The following PYGO1 variants were observed in gnomAD, a reference collection of about 807,000 sequenced individuals.
PYGO1 encodes the protein pygopus family PHD finger 1, also known as pygopus homolog 1.
In PYGO1, 6 loss-of-function variants were observed where a neutral mutation model predicts 29.5. That is an observed-to-expected ratio of 0.20 (90% confidence interval 0.11 to 0.40). PYGO1 has a LOEUF of 0.40. PYGO1 is among the 10% of genes least tolerant of loss of function. The probability of loss-of-function intolerance (pLI) is 1.00; values close to 1 mark genes in which losing one functional copy is unlikely to be tolerated. For missense variants in PYGO1, 515 were observed against 514.9 expected (o/e 1.00, Z 0.00); for synonymous variants, 186 against 180.5 (o/e 1.03, Z -0.24).
chr15:55,541,527 T>C lies in PYGO1; in HGVS notation c.*4496A>G, dbSNP rs779369996. The C allele has an allele frequency of 6.6e-6, 1 of 152,218 alleles. No individual in the cohort carries two copies. The highest frequency in any genetic ancestry group is 1.5e-5 in the Non-Finnish European group (1 of 68,040). 9.4% of individuals were successfully genotyped at this position (152,218 alleles called of 1,614,324 possible). On this transcript the variant is annotated 3_prime_UTR_variant, in exon 3 of 3. Coordinates refer to ENST00000563719, the MANE Select transcript of PYGO1 (RefSeq NM_001367806.1). ...TGAAATGTTAGATATTAAAGATTCA[T>C]TCTTAATAAACATACTTTTTTAAAA...
intron 1 of PYGO1, among the ~76,000 whole-genome samples, chr15:55,557,949 C>T (rs1275666452): frequency 6.6e-6 from 1 of 152,200 alleles, no homozygotes; most frequent in African/African-American, 2.4e-5. Context: ...GGGATGCCCT[C>T]TCTTACCACT....
chr15:55,571,091 T>C (rs2058978221), intron 1 of PYGO1, among the ~76,000 whole-genome samples: 1 of 152,026 alleles, frequency 6.6e-6, no homozygotes, highest in Non-Finnish European at 1.5e-5. Context: ...ACTCTAGATA[T>C]TTTACACAAG....
At position 55,560,990 on chromosome 15, in the gene PYGO1, A is replaced by T. The variant is rs556866021; in HGVS notation, c.50-11995T>A. Reference sequence around the variant, plus strand: ...ACAAACAAACAAACCCCACTACTTTAAAGTTCATATGGAACCAGAAAAGAG... The same window carrying T: ...ACAAACAAACAAACCCCACTACTTTTAAGTTCATATGGAACCAGAAAAGAG... On this transcript the variant is annotated intron_variant, in intron 1 of 2. Coordinates refer to ENST00000563719, the MANE Select transcript of PYGO1 (RefSeq NM_001367806.1). 2.6e-5 allele frequency among the ~76,000 whole-genome samples: 4 copies of T among 152,232 alleles called. No homozygotes were observed. The South Asian group carries it at 8.3e-4, about 32-fold the overall frequency.
At chr15:55,559,313 TA>T (rs2058922161) in intron 1 of PYGO1, among the ~76,000 whole-genome samples, 1 of 151,952 alleles carries the variant, frequency 6.6e-6, no homozygotes, top group Non-Finnish European at 1.5e-5. Context: ...TGGCGATCAT[TA>T]AAAAGTCAGG....
At chr15:55,558,657 C>T (rs1292905886) in intron 1 of PYGO1, among the ~76,000 whole-genome samples, 3 of 151,834 alleles carry the variant, frequency 2.0e-5, no homozygotes, top group African/African-American at 4.8e-5. Flanking sequence ...GAGATATAGA[C>T]CAATGGAACA....
At chr15:55,555,579 C>T (rs954175260) in intron 1 of PYGO1, among the ~76,000 whole-genome samples, 14 of 149,732 alleles carry the variant, frequency 9.4e-5, no homozygotes, top group East Asian at 4.0e-4. Context: ...TGCTAAATGA[C>T]GAGTTAATGG....
In PYGO1 at chr15:55,540,141, TTTTC is replaced by T. The variant is rs1454217064; in HGVS notation, c.*5878_*5881del. 6.6e-6 allele frequency: 1 copy of T among 152,052 alleles called. No homozygotes were observed. Among genetic ancestry groups the T allele is most frequent in the Non-Finnish European group, 1.5e-5 (1 of 67,936 alleles). 9.4% of individuals were successfully genotyped at this position (152,052 alleles called of 1,614,324 possible). The stretch of plus-strand genomic sequence containing the variant: ...AAAATTTGCCTTCAAGATGAAACAT[TTTTC>T]TTTAAAATCGTGATTATAACCTTTA... On this transcript the variant is annotated 3_prime_UTR_variant, in exon 3 of 3. Transcript: ENST00000563719.
chr15:55,572,854 A>G (rs1175753246), intron 1 of PYGO1, among the ~76,000 whole-genome samples: 1 of 152,020 alleles, frequency 6.6e-6, no homozygotes, highest in Admixed American at 6.6e-5. Context: ...ATTTCTTAGG[A>G]TGTATTATCA....
intron 1 of PYGO1, among the ~76,000 whole-genome samples, chr15:55,569,643 C>T (rs1272808151): frequency 1.3e-5 from 2 of 152,176 alleles, no homozygotes; most frequent in South Asian, 2.1e-4. Context: ...GTTTATTCCA[C>T]CGTGGTCCAA....
At chr15:55,568,793 T>G (rs796688549) in intron 1 of PYGO1, among the ~76,000 whole-genome samples, 5 of 152,274 alleles carry the variant, frequency 3.3e-5, no homozygotes, top group African/African-American at 1.2e-4. Flanking sequence ...AGGGTTTTTA[T>G]CGTGATAGGA....
At chr15:55,567,504 G>T (rs949144350) in intron 1 of PYGO1, among the ~76,000 whole-genome samples, 2 of 151,938 alleles carry the variant, frequency 1.3e-5, no homozygotes, top group African/African-American at 4.8e-5. Flanking sequence ...ATAAATTCTG[G>T]ATATTAGACC....
chr15:55,574,294 A>G (rs2058992188), intron 1 of PYGO1, among the ~76,000 whole-genome samples: 1 of 152,246 alleles, frequency 6.6e-6, no homozygotes, highest in South Asian at 2.1e-4. Flanking sequence ...GGAGGTGGCT[A>G]TGAAATTACA....
At chr15:55,574,868 T>A (rs1021018406) in intron 1 of PYGO1, among the ~76,000 whole-genome samples, 7 of 152,184 alleles carry the variant, frequency 4.6e-5, no homozygotes, top group Non-Finnish European at 5.9e-5. Context: ...ATTTCAACAG[T>A]TAATTAACAA....
chr15:55,588,366 C>A (rs1222158447), upstream of PYGO1, among the ~76,000 whole-genome samples: 1 of 149,046 alleles, frequency 6.7e-6, no homozygotes, highest in African/African-American at 2.4e-5. Context: ...AGACTGGAGC[C>A]GCCTGTAAAA....
intron 1 of PYGO1, among the ~76,000 whole-genome samples, chr15:55,568,799 T>C (rs1413835427): frequency 6.6e-6 from 1 of 152,098 alleles, no homozygotes; most frequent in Non-Finnish European, 1.5e-5. Context: ...TTTATCGTGA[T>C]AGGATGTTAG....
intron 1 of PYGO1, among the ~76,000 whole-genome samples, chr15:55,580,674 G>A (rs778667422): frequency 1.3e-5 from 2 of 152,302 alleles, no homozygotes; most frequent in Non-Finnish European, 2.9e-5. Flanking sequence ...AACCTTGGCA[G>A]TCAGGCTCAC....
At chr15:55,573,964 T>C (rs1001987254) in intron 1 of PYGO1, among the ~76,000 whole-genome samples, 2 of 152,202 alleles carry the variant, frequency 1.3e-5, no homozygotes, top group Admixed American at 1.3e-4. Flanking sequence ...CTGTCTGAAA[T>C]GGCGGGCAAC....
At chr15:55,577,225 G>C (rs1157060050) in intron 1 of PYGO1, among the ~76,000 whole-genome samples, 1 of 152,168 alleles carries the variant, frequency 6.6e-6, no homozygotes, top group Non-Finnish European at 1.5e-5. Context: ...TGTATTCAGT[G>C]AAAGGCTGAT....
intron 1 of PYGO1, among the ~76,000 whole-genome samples, chr15:55,562,539 C>T (rs868254884): frequency 5.3e-5 from 8 of 152,098 alleles, no homozygotes; most frequent in Middle Eastern, 3.4e-3. Context: ...GGCATTTTGG[C>T]GGGTGCCTGT....
Sources: allele counts gnomAD v4.1 joint callset (sites outside exome capture counted in the v4.1 genomes callset), GRCh38; gene constraint gnomAD v4.1.1; transcripts MANE v1.5; gene names NCBI Gene and HGNC (gene_info 2026-07-23, HGNC 2026-07-21).